ATAD2B: variants seen among roughly 807,000 people sequenced by gnomAD.
ATAD2B encodes ATPase family AAA domain-containing protein 2B.
In ATAD2B, 40 loss-of-function variants were observed where a neutral mutation model predicts 167.6. The ratio of observed to expected loss-of-function variants is 0.24; its 90% CI spans 0.19 to 0.31. ATAD2B has a LOEUF of 0.31. Ranked by LOEUF, ATAD2B falls within the 10% of genes least tolerant of loss-of-function variation. The pLI is 1.00. For missense variants in ATAD2B, 1,242 were observed against 1,757.2 expected (o/e 0.71, Z 5.24); for synonymous variants, 579 against 596.5 (o/e 0.97, Z 0.43).
chr2:23,924,738 T>G (rs926494396), intron 1 of ATAD2B, among the ~76,000 whole-genome samples: 1 of 152,232 alleles, frequency 6.6e-6, no homozygotes, highest in Non-Finnish European at 1.5e-5. Flanking sequence ...AAACAAAGTT[T>G]CATTAGTACC....
intron 2 of ATAD2B, among the ~76,000 whole-genome samples, chr2:23,890,632 T>A (rs1404550041): frequency 6.6e-6 from 1 of 152,234 alleles, no homozygotes; most frequent in Non-Finnish European, 1.5e-5. Flanking sequence ...ATCAGTTTAT[T>A]CACAAGTCTT....
At chr2:23,745,683 T>C (rs1674841426), downstream of ATAD2B, among the ~76,000 whole-genome samples, 1 of 152,206 alleles carries the variant, frequency 6.6e-6, no homozygotes, top group Non-Finnish European at 1.5e-5. Flanking sequence ...CCACAGTTGC[T>C]GTGATAATTA....
At chr2:23,884,225 C>T (rs1698374443) in intron 6 of ATAD2B, among the ~76,000 whole-genome samples, 1 of 152,104 alleles carries the variant, frequency 6.6e-6, no homozygotes, top group African/African-American at 2.4e-5. Context: ...GGCCAATGTG[C>T]TGCTGTCATG....
At chr2:23,840,131 T>C (rs1389993641) in intron 13 of ATAD2B, among the ~76,000 whole-genome samples, 1 of 152,220 alleles carries the variant, frequency 6.6e-6, no homozygotes, top group Non-Finnish European at 1.5e-5. Context: ...TCCATTCACA[T>C]GTTGATGGCC....
the ATAD2B span, among the ~76,000 whole-genome samples, chr2:23,713,810 T>G: frequency 1.3e-5 from 2 of 152,222 alleles, no homozygotes; most frequent in African/African-American, 4.8e-5. Context: ...TATACAAAAA[T>G]GAATACATTT....
chr2:23,703,110 T>C, the ATAD2B span: 614,774 of 1,105,462 alleles, frequency 0.56, 173,983 homozygotes, highest in East Asian at 0.83. Context: ...AGATGGCAGT[T>C]TGCTGCCCTT....
intron 8 of ATAD2B, among the ~76,000 whole-genome samples, chr2:23,875,515 A>G (rs201185695): frequency 3.1e-4 from 1 of 3,264 alleles, no homozygotes; most frequent in Non-Finnish European, 3.0e-3. Flanking sequence ...CAAAAAAAAA[A>G]GTAAAACCTT....
intron 23 of ATAD2B, among the ~76,000 whole-genome samples, chr2:23,764,163 T>TA (rs1677107091): frequency 6.6e-6 from 1 of 152,222 alleles, no homozygotes; most frequent in Non-Finnish European, 1.5e-5. Flanking sequence ...TTTAATTTTT[T>TA]AGAAATTGCC....
intron 6 of ATAD2B, among the ~76,000 whole-genome samples, chr2:23,883,221 A>C (rs1698209145): frequency 6.7e-6 from 1 of 149,878 alleles, no homozygotes; most frequent in Non-Finnish European, 1.5e-5. Flanking sequence ...TCAAGGCTGC[A>C]GTGAACTGTG....
intron 22 of ATAD2B, among the ~76,000 whole-genome samples, chr2:23,780,248 C>CA (rs990130530): frequency 9.3e-5 from 12 of 129,446 alleles, no homozygotes; most frequent in African/African-American, 1.8e-4. Flanking sequence ...ATGCTGTCTC[C>CA]AAAAAAAAAA....
intron 18 of ATAD2B, among the ~76,000 whole-genome samples, chr2:23,800,737 C>A (rs944868507): frequency 6.6e-6 from 1 of 151,410 alleles, no homozygotes; most frequent in Non-Finnish European, 1.5e-5. Context: ...ACAAATTGAA[C>A]ATGATATCCT....
At chr2:23,757,044 C>T (rs137912093) in intron 25 of ATAD2B, among the ~76,000 whole-genome samples, 41 of 152,304 alleles carry the variant, frequency 2.7e-4, no homozygotes, top group African/African-American at 9.4e-4. Flanking sequence ...TCTCTGCCCA[C>T]ACCCAGCCCA....
chr2:23,740,901 C>T, the ATAD2B span, among the ~76,000 whole-genome samples: 255 of 152,306 alleles, frequency 1.7e-3, no homozygotes, highest in Non-Finnish European at 1.7e-3. Context: ...CACTCTTATA[C>T]ACCAATAACA....
intron 2 of ATAD2B, among the ~76,000 whole-genome samples, chr2:23,892,670 A>G (rs1699705133): frequency 6.6e-6 from 1 of 150,756 alleles, no homozygotes. Context: ...GGATTTCACC[A>G]TGTTGGCCAG....
intron 22 of ATAD2B, among the ~76,000 whole-genome samples, chr2:23,777,441 C>T (rs946259159): frequency 7.3e-5 from 11 of 151,692 alleles, no homozygotes; most frequent in African/African-American, 2.7e-4. Context: ...GTCTAGGCAC[C>T]CAGCTCAGTA....
chr2:23,862,830 T>C (rs1694615072), intron 12 of ATAD2B, among the ~76,000 whole-genome samples: 1 of 152,186 alleles, frequency 6.6e-6, no homozygotes, highest in Admixed American at 6.5e-5. Flanking sequence ...AATATATATG[T>C]TATATCCTGT....
At chr2:23,891,400 T>C (rs1699467678) in intron 2 of ATAD2B, among the ~76,000 whole-genome samples, 1 of 152,148 alleles carries the variant, frequency 6.6e-6, no homozygotes, top group Admixed American at 6.6e-5. Context: ...TTCTCAAAAG[T>C]TGTTCACTTA....
rs185442034 is a variant in ATAD2B at position 23,895,689 on chromosome 2, T to C, written c.368+130A>G. The C allele has an allele frequency of 5.2e-6, 3 of 576,198 alleles. No individual in the cohort carries two copies. The African/African-American group carries it at 5.8e-5, about 11-fold the overall frequency. The allele number at this position is 576,198 out of a possible 1,614,324, so 35.7% of individuals were successfully genotyped here. On this transcript the variant is annotated intron_variant, in intron 2 of 27. Transcript: ENST00000238789. ...TTACATACAAAAATTATAAAATAAG[T>C]TTAATACAATTTACTTATAAGTATT...
At chr2:23,769,640 C>T (rs1677992868) in intron 22 of ATAD2B, among the ~76,000 whole-genome samples, 1 of 151,380 alleles carries the variant, frequency 6.6e-6, no homozygotes. Context: ...ACTCTACATC[C>T]TTGATTACAT....
Sources: gnomAD v4.1 joint callset for allele counts (sites outside exome capture counted in the v4.1 genomes callset) on GRCh38, gnomAD v4.1.1 for gene constraint, MANE v1.5 for transcripts, NCBI Gene and HGNC (gene_info 2026-07-23, HGNC 2026-07-21) for gene names.